The following SNX25 variants were observed in gnomAD, a reference collection of about 807,000 sequenced individuals.
SNX25 encodes sorting nexin-25.
Under a neutral mutation model 113.7 loss-of-function variants are expected in SNX25, and 62 were observed. The ratio of observed to expected loss-of-function variants is 0.55; its 90% CI spans 0.44 to 0.67. SNX25 has a LOEUF of 0.67. Among genes scored for constraint, SNX25 ranks in the 30% least tolerant of loss-of-function variants. SNX25 has a pLI of 0.00. For synonymous variants in SNX25, 421 were observed against 436.2 expected (o/e 0.97, Z 0.43); for missense variants, 1,014 against 1,161.0 (o/e 0.87, Z 1.84).
intron 2 of SNX25, among the ~76,000 whole-genome samples, chr4:185,247,625 T>C (rs1745046757): frequency 6.6e-6 from 1 of 152,196 alleles, no homozygotes; most frequent in Non-Finnish European, 1.5e-5. Flanking sequence ...GCTAGTTCCA[T>C]CATATGAAGC....
the SNX25 span, chr4:185,378,263 A>G: frequency 2.3e-5 from 37 of 1,591,844 alleles, no homozygotes; most frequent in Non-Finnish European, 3.1e-5. Flanking sequence ...GCGAAGTGCA[A>G]AGAGAGACTC....
intron 5 of SNX25, among the ~76,000 whole-genome samples, chr4:185,277,720 C>CTTTTTTTTTTTTTTT (rs758092952): frequency 1.6e-5 from 1 of 63,504 alleles, no homozygotes; most frequent in Non-Finnish European, 3.1e-5. Context: ...TACTTATTAC[C>CTTTTTTTTTTTTTTT]TTTTTTTTTT....
At chr4:185,374,600 T>C (rs1259141714), downstream of SNX25, 7 of 888,434 alleles carry the variant, frequency 7.9e-6, no homozygotes, top group Non-Finnish European at 1.2e-5. Flanking sequence ...GGGGTACAAT[T>C]GTCCTGGATT....
rs566368375 is a variant in SNX25 at position 185,346,363 on chromosome 4, T to C, written c.2188-174T>C. ...TGGGGATGTGCTTTAGTTTTTTCCATCAAAGTTTCCGTTCCTCCCAATTCT... is the reference window on the plus strand; with the variant it reads ...TGGGGATGTGCTTTAGTTTTTTCCACCAAAGTTTCCGTTCCTCCCAATTCT... On this transcript the variant is annotated intron_variant, in intron 12 of 18. Coordinates refer to ENST00000652585, the MANE Select transcript of SNX25 (RefSeq NM_001378034.2). 2.6e-5 allele frequency among the ~76,000 whole-genome samples: 4 copies of C among 152,320 alleles called. No homozygotes were observed. In the South Asian group the frequency reaches 8.3e-4, roughly 32 times the overall value.
intron 3 of SNX25, 23 bp from the exon 4 acceptor site, chr4:185,264,415 T>A: frequency 6.2e-7 from 1 of 1,602,178 alleles, no homozygotes; most frequent in Non-Finnish European, 8.5e-7. Context: ...CTTCTTTCCT[T>A]CTTTTTCACT....
At chr4:185,204,272 C>T (rs1737087078) in exon 1 of SNX25, 1 of 152,210 alleles carries the variant, frequency 6.6e-6, no homozygotes, top group Admixed American at 6.5e-5. Flanking sequence ...CGGGTAGGCC[C>T]CGTTGTTCTC....
chr4:185,376,732 C>T, the SNX25 span, among the ~76,000 whole-genome samples: 2 of 152,108 alleles, frequency 1.3e-5, no homozygotes, highest in African/African-American at 4.8e-5. Flanking sequence ...GAAGAAAAGT[C>T]AGGTAGCTCC....
chr4:185,216,713 G>A (rs940265112), intron 1 of SNX25, among the ~76,000 whole-genome samples: 3 of 151,804 alleles, frequency 2.0e-5, no homozygotes, highest in Middle Eastern at 3.4e-3. Flanking sequence ...TAGAGATGGG[G>A]TTTCGCCATG....
At chr4:185,294,541 A>AT (rs1292025451) in intron 6 of SNX25, among the ~76,000 whole-genome samples, 1 of 152,164 alleles carries the variant, frequency 6.6e-6, no homozygotes, top group African/African-American at 2.4e-5. Context: ...CTTGTTTGGC[A>AT]TTTCTAAGCT....
chr4:185,253,622 C>T (rs967066440), intron 2 of SNX25, among the ~76,000 whole-genome samples: 1 of 152,024 alleles, frequency 6.6e-6, no homozygotes, highest in Non-Finnish European at 1.5e-5. Context: ...GCATGAGCTA[C>T]CACGCCCGGC....
intron 1 of SNX25, among the ~76,000 whole-genome samples, chr4:185,224,398 T>C (rs1218682977): frequency 6.9e-6 from 1 of 144,520 alleles, no homozygotes; most frequent in African/African-American, 2.5e-5. Flanking sequence ...TATAAATATA[T>C]AAAAATATAT....
intron 1 of SNX25, among the ~76,000 whole-genome samples, chr4:185,228,132 AGT>A (rs1214005083): frequency 6.6e-6 from 1 of 152,188 alleles, no homozygotes; most frequent in African/African-American, 2.4e-5. Context: ...AGAGGTTTAC[AGT>A]GTGTGGCCTG....
intron 2 of SNX25, among the ~76,000 whole-genome samples, chr4:185,255,806 C>A (rs1489028834): frequency 6.6e-6 from 1 of 152,182 alleles, no homozygotes; most frequent in African/African-American, 2.4e-5. Context: ...CCTCAATTTC[C>A]TGAAGGGACG....
chr4:185,318,844 G>A (rs143147327), intron 7 of SNX25, among the ~76,000 whole-genome samples: 1 of 152,230 alleles, frequency 6.6e-6, no homozygotes, highest in Admixed American at 6.5e-5. Flanking sequence ...GATGCCAAAT[G>A]AAAAAAGTTA....
Position 185,257,697 on chromosome 4 carries a change from C to T in SNX25, c.515-1151C>T, listed in dbSNP as rs185457841. Among the ~76,000 whole-genome samples the T allele has an allele frequency of 2.6e-5, 4 of 151,094 alleles. No homozygotes were observed. In the East Asian group the frequency reaches 7.8e-4, roughly 29 times the overall value. On this transcript the variant is annotated intron_variant, in intron 2 of 18. Transcript: ENST00000652585. ...AGCTTTTTGTTGTGGTATCTTTTTACTTTTTTAATGTGTCTTCTAGAAAAC... is the reference window on the plus strand; with the variant it reads ...AGCTTTTTGTTGTGGTATCTTTTTATTTTTTTAATGTGTCTTCTAGAAAAC...
At chr4:185,220,493 T>TTC (rs1227585053) in intron 1 of SNX25, among the ~76,000 whole-genome samples, 8 of 150,672 alleles carry the variant, frequency 5.3e-5, no homozygotes, top group Non-Finnish European at 1.2e-4. Flanking sequence ...CCTTTTTTTT[T>TTC]TTTTTTTGAG....
chr4:185,349,387 T>C (rs1291004311), intron 13 of SNX25, among the ~76,000 whole-genome samples: 2 of 152,226 alleles, frequency 1.3e-5, no homozygotes, highest in South Asian at 2.1e-4. Flanking sequence ...AATGCAGATA[T>C]ATCTTTGACA....
intron 1 of SNX25, among the ~76,000 whole-genome samples, chr4:185,229,086 A>G (rs547607246): frequency 4.6e-5 from 7 of 152,322 alleles, no homozygotes; most frequent in Admixed American, 4.6e-4. Context: ...AGGCCATGAA[A>G]GACTAGCAAC....
rs531433531 is a variant in SNX25 at position 185,351,714 on chromosome 4, A to G, written c.2466+105A>G. ...AATCCCTCTATTTTCAGTCATTAGC[A>G]CTGTCACATTTTGAGGCACCTGCTT... On this transcript the variant is annotated intron_variant, in intron 14 of 18. Coordinates refer to ENST00000652585, the MANE Select transcript of SNX25 (RefSeq NM_001378034.2). 7.4e-6 allele frequency: 9 copies of G among 1,222,906 alleles called. No homozygotes were observed. The East Asian group carries it at 2.2e-4, about 30-fold the overall frequency. The allele number at this position is 1,222,906 out of a possible 1,614,324, so 75.8% of individuals were successfully genotyped here. A position where few individuals can be genotyped will look rare whatever the true frequency, so the allele number is the denominator to read the frequency against.
Sources: gnomAD v4.1 joint callset for allele counts (sites outside exome capture counted in the v4.1 genomes callset) on GRCh38, gnomAD v4.1.1 for gene constraint, MANE v1.5 for transcripts, NCBI Gene and HGNC (gene_info 2026-07-23, HGNC 2026-07-21) for gene names.